Variants in TSC2 observed in about 807,000 individuals in gnomAD.
The protein encoded by TSC2 is TSC complex subunit 2.
In TSC2, 29 loss-of-function variants were observed where a neutral mutation model predicts 202.2. The observed-to-expected ratio is 0.14, with a 90% CI of 0.11 to 0.20. TSC2 has a LOEUF of 0.20. Ranked by LOEUF, TSC2 falls within the 10% of genes least tolerant of loss-of-function variation. The probability of loss-of-function intolerance (pLI) is 1.00; values close to 1 mark genes in which losing one functional copy is unlikely to be tolerated. For missense variants in TSC2, 2,429 were observed against 2,420.0 expected, an observed-to-expected ratio of 1.00 and a Z score of -0.08; for synonymous variants, 1,349 against 1,044.0, an observed-to-expected ratio of 1.29 and a Z score of -5.63.
In TSC2 at chr16:2,053,347, A is replaced by G. The variant is rs2151026046; in HGVS notation, c.231A>G (p.Ala77=). The part of the protein sequence containing the change: ...VAKTKKFEEH[A]VEALWKAVAD... ...GTCCCCTCTGCTGGTGACAGCACGC[A>G]GTGGAAGCACTCTGGAAGGCGGTCG... Residue 77 remains alanine, a synonymous_variant, in exon 4 of 42, where the codon GCA becomes GCG. Transcript: ENST00000219476. The G allele has an allele frequency of 1.3e-6, 2 of 1,583,304 alleles. No individual in the cohort carries two copies. The highest frequency in any genetic ancestry group is 1.7e-6 in the Non-Finnish European group (2 of 1,165,790).
At chr16:2,087,184 C>G (rs1400595121) in intron 38 of TSC2, 1 of 452,638 alleles carries the variant, frequency 2.2e-6, no homozygotes, top group African/African-American at 2.0e-5. Context: ...CACCATCTCC[C>G]CAGTGGCAGC....
Position 2,060,819 on chromosome 16 carries a change from G to A in TSC2, c.1119+6G>A, listed in dbSNP as rs397515305. The A allele has an allele frequency of 4.3e-6, 7 of 1,613,098 alleles. No homozygotes were observed. The highest frequency in any genetic ancestry group is 5.9e-6 in the Non-Finnish European group (7 of 1,179,954). ...GGCTCCTTCAGCAGCTCCAGGTGGG[G>A]TGGGGGCAGGAGCTCCGGGGAGCAC... On this transcript the variant is annotated splice_donor_region_variant and intron_variant, in intron 11 of 41. Coordinates refer to ENST00000219476, the MANE Select transcript of TSC2 (RefSeq NM_000548.5).
At chr16:2,054,640 C>T in intron 5 of TSC2, 200 bp downstream of exon 5, 1 of 724,112 alleles carries the variant, frequency 1.4e-6, no homozygotes, top group Non-Finnish European at 2.3e-6. Flanking sequence ...AGAGTCCTGG[C>T]CTTCACCCCA....
In TSC2 at chr16:2,087,490, G is replaced by T. The variant is rs865952591; in HGVS notation, c.4990-373G>T. ...TAGATGCCAAGACAACCAGTTGGGGGGGGGGGGGCACCTGGGCGGCTGAGG... is the reference window on the plus strand; with the variant it reads ...TAGATGCCAAGACAACCAGTTGGGGTGGGGGGGGCACCTGGGCGGCTGAGG... On this transcript the variant is annotated intron_variant, in intron 38 of 41. Transcript: ENST00000219476. Among the ~76,000 whole-genome samples, 1,139 of 151,760 alleles carry T rather than the reference G, an allele frequency of 7.5e-3. 20 individuals carry two copies. Among genetic ancestry groups the T allele is most frequent in the African/African-American group, 0.026 (1,083 of 41,314 alleles).
Position 2,055,462 on chromosome 16 carries a change from T to C in TSC2, c.542T>C (p.Val181Ala), listed in dbSNP as rs982250014. 6.2e-7 allele frequency: 1 copy of C among 1,614,236 alleles called. No individual in the cohort carries two copies. The highest frequency in any genetic ancestry group is 1.7e-5 in the Admixed American group (1 of 60,030). Residue 181 changes from valine (V) to alanine (A), a missense_variant, in exon 6 of 42, where the codon GTG (valine) becomes GCG (alanine). Val to Ala is a moderately conservative substitution (Grantham distance 64). Coordinates refer to ENST00000219476, the MANE Select transcript of TSC2 (RefSeq NM_000548.5). ...GLSSEFLLVL[V>A]NLVKFNSCYL... The stretch of plus-strand genomic sequence containing the variant: ...TCCTCGGAATTCCTTCTGGTGCTGG[T>C]GAACTTGGTCAAATTCAATAGCTGT...
chr16:2,055,392 T>A lies in TSC2; in HGVS notation c.482-10T>A. ...GGCGTCCTCGCAAACTGCCGCCGCTTCTCCCCCAGCTGACTTTGTCCTGCA... is the reference window on the plus strand; with the variant it reads ...GGCGTCCTCGCAAACTGCCGCCGCTACTCCCCCAGCTGACTTTGTCCTGCA... On this transcript the variant is annotated splice_polypyrimidine_tract_variant and intron_variant, in intron 5 of 41. Transcript: ENST00000219476. 6.2e-7 allele frequency: 1 copy of A among 1,613,138 alleles called. No homozygotes were observed. Among genetic ancestry groups the A allele is most frequent in the Non-Finnish European group, 8.5e-7 (1 of 1,179,162 alleles).
At chr16:2,087,618 G>A (rs1451097666) in intron 38 of TSC2, among the ~76,000 whole-genome samples, 1 of 152,174 alleles carries the variant, frequency 6.6e-6, no homozygotes, top group Non-Finnish European at 1.5e-5. Context: ...AGTGAGTGGA[G>A]GTGCCCCAGC....
intron 20 of TSC2, 87 bp downstream of exon 20, chr16:2,072,450 AC>A: frequency 6.4e-7 from 1 of 1,568,928 alleles, no homozygotes; most frequent in Non-Finnish European, 8.7e-7. Context: ...AGCGAGTGAG[AC>A]CCTTCGGGCT....
intron 30 of TSC2, 44 bp downstream of exon 30, chr16:2,080,421 C>G (rs1400160205): frequency 6.2e-7 from 1 of 1,602,872 alleles, no homozygotes; most frequent in East Asian, 2.2e-5. Flanking sequence ...CTGCCAGTCA[C>G]CCACAGAGCT....
chr16:2,050,416 G>T lies in TSC2; in HGVS notation c.155G>T (p.Cys52Phe). 6.2e-7 allele frequency: 1 copy of T among 1,613,882 alleles called. No homozygotes were observed. The highest frequency in any genetic ancestry group is 8.5e-7 in the Non-Finnish European group (1 of 1,179,934). Residue 52 changes from cysteine to phenylalanine, a missense_variant, in exon 3 of 42, where the codon TGT becomes TTT. Coordinates refer to ENST00000219476, the MANE Select transcript of TSC2 (RefSeq NM_000548.5). ...AEILRELSME[C>F]GLNNRIRMIG... The stretch of plus-strand genomic sequence containing the variant: ...TCTCTCCAGGAACTGAGCATGGAAT[G>T]TGGCCTCAACAATCGCATCCGGATG...
At chr16:2,083,971 C>T (rs1284551926) in intron 33 of TSC2, among the ~76,000 whole-genome samples, 155 bp downstream of exon 33, 2 of 152,234 alleles carry the variant, frequency 1.3e-5, no homozygotes, top group Non-Finnish European at 2.9e-5. Context: ...CTGCACTTTG[C>T]AGCCATCCAC....
At position 2,065,486 on chromosome 16, in the gene TSC2, G is replaced by C. The variant is rs757147107; in HGVS notation, c.1600-33G>C. The C allele has an allele frequency of 4.5e-6, 7 of 1,552,984 alleles. No homozygotes were observed. In the South Asian group the frequency reaches 7.8e-5, roughly 17 times the overall value. On this transcript the variant is annotated intron_variant, in intron 15 of 41. Coordinates refer to ENST00000219476, the MANE Select transcript of TSC2 (RefSeq NM_000548.5). ...CACGGCTGCTGACTCAGAACCATGA[G>C]CCTGTGTGTAAGTCCTGGCCTTCTC...
intron 9 of TSC2, 95 bp from the exon 10 acceptor site, chr16:2,058,652 G>A: frequency 6.5e-7 from 1 of 1,529,964 alleles, no homozygotes; most frequent in Non-Finnish European, 8.8e-7. Context: ...GGGACCTCTG[G>A]GGCTGCTGCA....
At chr16:2,070,694 C>G (rs574476612) in intron 17 of TSC2, 116 bp downstream of exon 17, 2 of 1,526,554 alleles carry the variant, frequency 1.3e-6, no homozygotes, top group South Asian at 2.4e-5. Flanking sequence ...CCTCAGCTGA[C>G]CGTCCCTCCT....
rs2086997635 is a variant in TSC2 at position 2,064,216 on chromosome 16, A to G, written c.1444-56A>G. 6.8e-6 allele frequency: 11 copies of G among 1,613,220 alleles called. 1 individual carries two copies. The South Asian group carries it at 1.2e-4, about 18-fold the overall frequency. On this transcript the variant is annotated intron_variant, in intron 14 of 41. Coordinates refer to ENST00000219476, the MANE Select transcript of TSC2 (RefSeq NM_000548.5). The stretch of plus-strand genomic sequence containing the variant: ...CGGTTCCTGAGGAATTGGAAGTGTC[A>G]CGAGATGTGGCCCTCGTTGGGCTGG...
chr16:2,075,222 CAAAAA>C, intron 22 of TSC2: 2 of 107,884 alleles, frequency 1.9e-5, no homozygotes, highest in Non-Finnish European at 1.9e-5. Flanking sequence ...GACACCGTCT[CAAAAA>C]AAAAAAAGAG....
intron 32 of TSC2, 108 bp downstream of exon 32, chr16:2,082,612 G>T (rs1470374702): frequency 3.1e-6 from 4 of 1,275,324 alleles, no homozygotes; most frequent in Non-Finnish European, 4.5e-6. Flanking sequence ...TGCCTCCATT[G>T]CCCTGGGGAG....
intron 21 of TSC2, among the ~76,000 whole-genome samples, chr16:2,073,452 C>A (rs959963177): frequency 6.6e-6 from 1 of 152,262 alleles, no homozygotes; most frequent in African/African-American, 2.4e-5. Context: ...TTGACATGGC[C>A]CTCCGGGACG....
intron 12 of TSC2, among the ~76,000 whole-genome samples, chr16:2,062,270 G>A (rs968773982): frequency 1.3e-5 from 2 of 152,330 alleles, no homozygotes; most frequent in Admixed American, 6.5e-5. Flanking sequence ...GCTCCCAGGC[G>A]GCCGCAGTCA....
Sources: allele counts gnomAD v4.1 joint callset (sites outside exome capture counted in the v4.1 genomes callset), GRCh38; gene constraint gnomAD v4.1.1; transcripts MANE v1.5; gene names NCBI Gene and HGNC (gene_info 2026-07-23, HGNC 2026-07-21).